Variants in GLIS3 observed in about 807,000 individuals in gnomAD.
GLIS3 encodes GLIS family zinc finger 3.
GLIS3 carries 53 observed loss-of-function variants against 78.6 expected under a neutral mutation model. The ratio of observed to expected loss-of-function variants is 0.67; its 90% CI spans 0.54 to 0.85. The LOEUF is 0.85. GLIS3 is among the 40% of genes least tolerant of loss of function. The pLI, the probability that GLIS3 is intolerant of heterozygous loss-of-function variation, is 0.00. For missense variants in GLIS3, 1,703 were observed against 1,231.1 expected (o/e 1.38, Z -5.74); for synonymous variants, 684 against 509.9 (o/e 1.34, Z -4.60).
At chr9:3,911,314 C>T (rs951298760) in intron 6 of GLIS3, among the ~76,000 whole-genome samples, 3 of 152,164 alleles carry the variant, frequency 2.0e-5, no homozygotes, top group African/African-American at 4.8e-5. Flanking sequence ...CCATATGTTA[C>T]GCTCTTTGTT....
intron 4 of GLIS3, among the ~76,000 whole-genome samples, chr9:4,068,709 C>T (rs561695556): frequency 5.3e-5 from 8 of 152,116 alleles, no homozygotes; most frequent in African/African-American, 1.7e-4. Flanking sequence ...CTCAGAAGAC[C>T]AAGTAAGGAG....
chr9:4,333,432 T>C (rs114052705), intron 2 of GLIS3, among the ~76,000 whole-genome samples: 1 of 152,156 alleles, frequency 6.6e-6, no homozygotes. Context: ...AAATTGACTT[T>C]AATTTGCTTA....
chr9:4,385,809 GAAAAGAA>G, the GLIS3 span, among the ~76,000 whole-genome samples: 466 of 44,912 alleles, frequency 0.01, 19 homozygotes, highest in African/African-American at 0.038. Context: ...AAGAAAGAAA[GAAAAGAA>G]AGAAAGAGAA....
rs1031584552 is a variant in GLIS3, at chr9:4,250,660, A to G, written c.388+35378T>C. 1.8e-4 allele frequency among the ~76,000 whole-genome samples: 27 copies of G among 151,862 alleles called. No individual in the cohort carries two copies. In the East Asian group the frequency reaches 5.2e-3, roughly 29 times the overall value. On this transcript the variant is annotated intron_variant, in intron 2 of 10. Transcript: ENST00000381971. ...ATTTCTTGTCTGCTGCTAGTTTTTG[A>G]ATTTGTTTGCTCTTGCTTCTCTAGT...
chr9:4,362,043 C>T, the GLIS3 span, among the ~76,000 whole-genome samples: 1 of 152,260 alleles, frequency 6.6e-6, no homozygotes, highest in South Asian at 2.1e-4. Flanking sequence ...AAATGGTCAG[C>T]AAAGAGGGAT....
intron 2 of GLIS3, among the ~76,000 whole-genome samples, chr9:4,263,236 G>T (rs1353571909): frequency 6.6e-6 from 1 of 152,192 alleles, no homozygotes; most frequent in Admixed American, 6.5e-5. Context: ...ATATTCTGCA[G>T]ACTCTGGGAC....
the GLIS3 span, among the ~76,000 whole-genome samples, chr9:4,376,422 C>A: frequency 1.2e-5 from 1 of 84,808 alleles, no homozygotes; most frequent in African/African-American, 3.6e-5. Context: ...AATCTATATG[C>A]TCTCTTTCTA....
chr9:4,147,873 T>C lies in GLIS3; in HGVS notation c.389-21932A>G, dbSNP rs549900753. ...GCTAAACTAGGGATGTGTCTGAAAA[T>C]AGCTAACTCTGCAAACCCTGCAGAA... is the stretch of plus-strand genomic sequence containing the variant. On this transcript the variant is annotated intron_variant, in intron 2 of 10. Transcript: ENST00000381971. Among the ~76,000 whole-genome samples, 14 of 150,978 alleles carry C rather than the reference T, an allele frequency of 9.3e-5. No individual in the cohort carries two copies. The South Asian group carries it at 1.7e-3, about 18-fold the overall frequency.
At chr9:4,447,878 C>A in the GLIS3 span, among the ~76,000 whole-genome samples, 2 of 152,182 alleles carry the variant, frequency 1.3e-5, no homozygotes, top group Admixed American at 6.5e-5. Context: ...TTCCCTTTTA[C>A]ATTTTTCACT....
the GLIS3 span, among the ~76,000 whole-genome samples, chr9:4,361,849 C>G: frequency 4.6e-5 from 7 of 152,286 alleles, no homozygotes; most frequent in East Asian, 3.9e-4. Context: ...ATTTGAAGCT[C>G]TTTCCCCAAT....
At chr9:4,020,976 G>A (rs761766461) in intron 4 of GLIS3, among the ~76,000 whole-genome samples, 2 of 152,088 alleles carry the variant, frequency 1.3e-5, no homozygotes, top group African/African-American at 2.4e-5. Flanking sequence ...GAAAGTAGTC[G>A]GTCTTAGGGA....
chr9:3,939,160 A>G (rs145119873), intron 4 of GLIS3, among the ~76,000 whole-genome samples: 99 of 152,308 alleles, frequency 6.5e-4, no homozygotes, highest in African/African-American at 2.3e-3. Flanking sequence ...CAGGCCCCAT[A>G]TCCACTCTGT....
At chr9:3,991,750 G>T (rs549802611) in intron 4 of GLIS3, among the ~76,000 whole-genome samples, 4 of 139,030 alleles carry the variant, frequency 2.9e-5, no homozygotes, top group Admixed American at 1.5e-4. Flanking sequence ...GAGTGCAGTG[G>T]TGGGATCTCG....
chr9:3,873,714 A>G (rs927943424), intron 8 of GLIS3, among the ~76,000 whole-genome samples: 1 of 152,246 alleles, frequency 6.6e-6, no homozygotes, highest in Admixed American at 6.5e-5. Context: ...TTACTTATGC[A>G]AATTACTGAA....
chr9:4,151,570 T>C (rs1414835388), intron 2 of GLIS3, among the ~76,000 whole-genome samples: 1 of 152,174 alleles, frequency 6.6e-6, no homozygotes, highest in Non-Finnish European at 1.5e-5. Flanking sequence ...AAGCAGTAAG[T>C]GGGGCTCTAA....
chr9:4,314,619 T>C (rs1817412281), intron 2 of GLIS3, among the ~76,000 whole-genome samples: 1 of 152,260 alleles, frequency 6.6e-6, no homozygotes, highest in South Asian at 2.1e-4. Flanking sequence ...GAATCTTTCA[T>C]ATCTTCTCTA....
intron 9 of GLIS3, 124 bp from the exon 10 acceptor site, chr9:3,829,616 C>A: frequency 1.1e-6 from 1 of 888,306 alleles, no homozygotes; most frequent in Non-Finnish European, 1.8e-6. Flanking sequence ...CTCTTAAGGC[C>A]ACCTGTAGAA....
chr9:4,383,016 A>G, the GLIS3 span, among the ~76,000 whole-genome samples: 149,482 of 152,264 alleles, frequency 0.98, 73,426 homozygotes, highest in East Asian at 1. Context: ...TCCTAAAAGG[A>G]AGTTGCAGAA....
At chr9:4,197,393 TAC>T (rs1390195516) in intron 2 of GLIS3, among the ~76,000 whole-genome samples, 1 of 152,226 alleles carries the variant, frequency 6.6e-6, no homozygotes, top group African/African-American at 2.4e-5. Context: ...CTCTGCTCCA[TAC>T]ACAGGTAGAT....
Sources: allele counts gnomAD v4.1 joint callset (sites outside exome capture counted in the v4.1 genomes callset), GRCh38; gene constraint gnomAD v4.1.1; transcripts MANE v1.5; gene names NCBI Gene and HGNC (gene_info 2026-07-23, HGNC 2026-07-21).